The following NRXN3 variants were observed in gnomAD, a reference collection of about 807,000 sequenced individuals.
The protein encoded by NRXN3 is neurexin 3, also known as neurexin III.
NRXN3 carries 32 observed loss-of-function variants against 137.6 expected under a neutral mutation model. The ratio of observed to expected loss-of-function variants is 0.23; its 90% confidence interval spans 0.18 to 0.31. The LOEUF (loss-of-function observed/expected upper bound fraction) is 0.31, where lower values mean the gene tolerates loss of function less well. Among genes scored for constraint, NRXN3 ranks in the 10% least tolerant of loss-of-function variants. The pLI, the probability that NRXN3 is intolerant of heterozygous loss-of-function variation, is 1.00. For synonymous variants in NRXN3, 798 were observed against 784.5 expected, an observed-to-expected ratio of 1.02 and a Z score of -0.29; for missense variants, 1,574 against 2,062.5, an observed-to-expected ratio of 0.76 and a Z score of 4.59.
intron 4 of NRXN3, among the ~76,000 whole-genome samples, chr14:78,579,177 C>T (rs998781798): frequency 2.6e-5 from 4 of 152,142 alleles, no homozygotes; most frequent in Admixed American, 6.5e-5. Flanking sequence ...CATTCTCTCA[C>T]GGCAAGTACA....
chr14:79,827,234 G>T (rs2099306946), intron 20 of NRXN3, among the ~76,000 whole-genome samples: 1 of 152,152 alleles, frequency 6.6e-6, no homozygotes, highest in Admixed American at 6.5e-5. Context: ...TGGTAGGACA[G>T]GTAACAAGGC....
At chr14:79,600,134 C>A (rs917649963) in intron 16 of NRXN3, among the ~76,000 whole-genome samples, 6 of 152,192 alleles carry the variant, frequency 3.9e-5, no homozygotes, top group African/African-American at 1.2e-4. Flanking sequence ...GGTGGAGGAG[C>A]TGAGGTTTGA....
chr14:79,601,606 G>A lies in NRXN3; in HGVS notation c.3445-62172G>A, dbSNP rs139622713. Among the ~76,000 whole-genome samples the A allele has an allele frequency of 5.6e-3, 850 of 152,206 alleles. 9 individuals carry two copies. The highest frequency in any genetic ancestry group is 7.7e-3 in the Non-Finnish European group (524 of 68,016). Reference sequence around the variant, plus strand: ...TCATGCTGACCCCTCATTCTCTAGAGTATATGCTGTTTTCTGCAGCAGACT... The same window carrying A: ...TCATGCTGACCCCTCATTCTCTAGAATATATGCTGTTTTCTGCAGCAGACT... On this transcript the variant is annotated intron_variant, in intron 16 of 20. Coordinates refer to ENST00000335750, the MANE Select transcript of NRXN3 (RefSeq NM_001330195.2).
At chr14:79,820,951 C>T (rs1180782779) in intron 20 of NRXN3, among the ~76,000 whole-genome samples, 1 of 152,010 alleles carries the variant, frequency 6.6e-6, no homozygotes, top group South Asian at 2.1e-4. Flanking sequence ...ATTAGCAGGG[C>T]CCCCTGGTGT....
At chr14:78,434,410 T>C (rs2153690492) in intron 4 of NRXN3, among the ~76,000 whole-genome samples, 1 of 152,296 alleles carries the variant, frequency 6.6e-6, no homozygotes, top group Non-Finnish European at 1.5e-5. Flanking sequence ...TCTAGTCATA[T>C]TGGATTTAGG....
At chr14:79,531,677 A>G (rs1019302713) in intron 16 of NRXN3, among the ~76,000 whole-genome samples, 5 of 152,204 alleles carry the variant, frequency 3.3e-5, no homozygotes, top group Non-Finnish European at 5.9e-5. Flanking sequence ...AGTATCATCA[A>G]TAAAACCACT....
At chr14:79,054,013 AC>A (rs1347697453) in intron 15 of NRXN3, among the ~76,000 whole-genome samples, 2 of 55,868 alleles carry the variant, frequency 3.6e-5, no homozygotes, top group African/African-American at 2.2e-4. Flanking sequence ...CTTTGTAGTG[AC>A]ATGGATGAAG....
rs369114218 is a variant in NRXN3, at chr14:79,441,867, CA to C, written c.3263-25343del. 5.2e-4 allele frequency among the ~76,000 whole-genome samples: 76 copies of C among 146,364 alleles called. 1 individual carries two copies. Among genetic ancestry groups the C allele is most frequent in the African/African-American group, 1.2e-3 (49 of 39,956 alleles). On this transcript the variant is annotated intron_variant, in intron 15 of 20. Transcript: ENST00000335750. ...CAAACTTTAAAAAACAAACAAACGACAAAAAAAAAAACTGTCCTCCTTCTCC... is the reference window on the plus strand; with the variant it reads ...CAAACTTTAAAAAACAAACAAACGACAAAAAAAAAACTGTCCTCCTTCTCC...
chr14:79,639,090 C>T (rs979782046), intron 16 of NRXN3, among the ~76,000 whole-genome samples: 6 of 152,008 alleles, frequency 3.9e-5, no homozygotes, highest in South Asian at 2.1e-4. Flanking sequence ...CCACCCTCTC[C>T]GTCTTACCCA....
chr14:79,266,248 G>T (rs1483674696), intron 15 of NRXN3, among the ~76,000 whole-genome samples: 1 of 152,024 alleles, frequency 6.6e-6, no homozygotes, highest in Non-Finnish European at 1.5e-5. Context: ...GAAATCATAC[G>T]TAATACAGTC....
intron 19 of NRXN3, among the ~76,000 whole-genome samples, chr14:79,776,346 A>G (rs930621574): frequency 6.6e-6 from 1 of 152,160 alleles, no homozygotes; most frequent in Non-Finnish European, 1.5e-5. Flanking sequence ...ATAAATATTG[A>G]CCAAATTGAG....
At chr14:78,856,685 A>T (rs1255070403) in intron 10 of NRXN3, among the ~76,000 whole-genome samples, 2 of 152,066 alleles carry the variant, frequency 1.3e-5, no homozygotes, top group East Asian at 3.9e-4. Flanking sequence ...TGTCTTATGG[A>T]TAGGTAATAT....
chr14:79,213,388 A>G (rs949166149), intron 15 of NRXN3, among the ~76,000 whole-genome samples: 4 of 152,192 alleles, frequency 2.6e-5, no homozygotes, highest in Non-Finnish European at 5.9e-5. Flanking sequence ...TTAATTTGTC[A>G]TGCTCATGAA....
intron 10 of NRXN3, among the ~76,000 whole-genome samples, chr14:78,833,414 T>C (rs1288587905): frequency 6.6e-6 from 1 of 152,144 alleles, no homozygotes; most frequent in Non-Finnish European, 1.5e-5. Flanking sequence ...GGAATTGCAG[T>C]GTGTCCATCC....
chr14:78,993,833 AATTTTTTTTTTT>A (rs1368075698), intron 15 of NRXN3, among the ~76,000 whole-genome samples: 7 of 115,408 alleles, frequency 6.1e-5, no homozygotes, highest in African/African-American at 2.4e-4. Flanking sequence ...TGAGCCTTGA[AATTTTTTTTTTT>A]TTTTTTTTTT....
At chr14:78,396,475 G>A (rs1287550309) in intron 4 of NRXN3, among the ~76,000 whole-genome samples, 1 of 152,010 alleles carries the variant, frequency 6.6e-6, no homozygotes, top group Non-Finnish European at 1.5e-5. Context: ...CATTTTCTTT[G>A]TTTAGGGAAA....
chr14:79,641,469 T>C (rs911575680), intron 16 of NRXN3, among the ~76,000 whole-genome samples: 1 of 135,566 alleles, frequency 7.4e-6, no homozygotes, highest in Non-Finnish European at 1.7e-5. Flanking sequence ...ACCACTGAAA[T>C]TCAGTGGCTT....
At chr14:78,395,123 C>G (rs150017919) in intron 4 of NRXN3, among the ~76,000 whole-genome samples, 93 of 151,136 alleles carry the variant, frequency 6.2e-4, no homozygotes, top group African/African-American at 2.1e-3. Context: ...TTTAGGTTTT[C>G]GAGATGTGGC....
intron 16 of NRXN3, among the ~76,000 whole-genome samples, chr14:79,611,129 A>G (rs2098093408): frequency 6.6e-6 from 1 of 152,188 alleles, no homozygotes; most frequent in African/African-American, 2.4e-5. Context: ...ATATTTTTCT[A>G]TCTTTTAAAA....
Sources: gnomAD v4.1 joint callset for allele counts (sites outside exome capture counted in the v4.1 genomes callset) on GRCh38, gnomAD v4.1.1 for gene constraint, MANE v1.5 for transcripts, NCBI Gene and HGNC (gene_info 2026-07-23, HGNC 2026-07-21) for gene names.